CDH12: variants seen among roughly 807,000 people sequenced by gnomAD.
The protein encoded by CDH12 is cadherin-12.
Under a neutral mutation model 74.1 loss-of-function variants are expected in CDH12, and 41 were observed. That is an observed-to-expected ratio of 0.55 (90% CI 0.43 to 0.72). The LOEUF (loss-of-function observed/expected upper bound fraction) is 0.72. Ranked by LOEUF, CDH12 falls within the 30% of genes least tolerant of loss-of-function variation. The probability of loss-of-function intolerance (pLI) is 0.00; values close to 1 mark genes in which losing one functional copy is unlikely to be tolerated. For synonymous variants in CDH12, 399 were observed against 355.0 expected (o/e 1.12, Z -1.39); for missense variants, 945 against 977.2 (o/e 0.97, Z 0.44).
intron 7 of CDH12, among the ~76,000 whole-genome samples, chr5:21,852,006 C>T (rs749654132): frequency 4.6e-5 from 7 of 151,260 alleles, no homozygotes; most frequent in East Asian, 1.9e-4. Context: ...GTTTTTCATG[C>T]GTTTTATTTA....
chr5:22,055,128 C>T (rs533194103), intron 5 of CDH12, among the ~76,000 whole-genome samples: 37 of 152,176 alleles, frequency 2.4e-4, no homozygotes, highest in Non-Finnish European at 4.6e-4. Flanking sequence ...AGGAGCAGCT[C>T]TAGCCTTGGA....
At chr5:21,916,000 C>T (rs1161919330) in intron 6 of CDH12, among the ~76,000 whole-genome samples, 1 of 151,968 alleles carries the variant, frequency 6.6e-6, no homozygotes, top group Non-Finnish European at 1.5e-5. Context: ...TGTCATACTG[C>T]TTCATAATAA....
intron 3 of CDH12, among the ~76,000 whole-genome samples, chr5:22,330,957 C>T (rs1248073733): frequency 1.3e-5 from 2 of 151,910 alleles, no homozygotes; most frequent in African/African-American, 4.8e-5. Context: ...GGGCAGCATG[C>T]ACCACAAGCT....
At chr5:22,697,342 C>G (rs557352051) in intron 1 of CDH12, among the ~76,000 whole-genome samples, 2 of 151,976 alleles carry the variant, frequency 1.3e-5, no homozygotes, top group African/African-American at 4.8e-5. Context: ...GAGGCCGAGG[C>G]GGGTGGATCA....
intron 2 of CDH12, among the ~76,000 whole-genome samples, chr5:22,489,201 G>A (rs1746748396): frequency 6.6e-6 from 1 of 151,094 alleles, no homozygotes; most frequent in Non-Finnish European, 1.5e-5. Flanking sequence ...GGGACTACAG[G>A]TGCCCACCAC....
At chr5:21,760,493 C>A (rs2303748) in intron 13 of CDH12, 65 bp downstream of exon 13, 518,731 of 777,336 alleles carry the variant, frequency 0.67, 179,727 homozygotes, top group Non-Finnish European at 0.74. Flanking sequence ...AGTATTGATT[C>A]CTCCCTTTGT....
At chr5:22,376,369 A>C (rs1272261189) in intron 3 of CDH12, among the ~76,000 whole-genome samples, 1 of 152,188 alleles carries the variant, frequency 6.6e-6, no homozygotes, top group South Asian at 2.1e-4. Context: ...ATACAAAAAA[A>C]AAGCCCAATA....
At chr5:21,802,133 T>C (rs762679500) in intron 10 of CDH12, 34 bp downstream of exon 10, 3 of 1,584,370 alleles carry the variant, frequency 1.9e-6, no homozygotes, top group Admixed American at 1.8e-5. Context: ...TTTGTTTTCC[T>C]GAAACATAGA....
intron 2 of CDH12, among the ~76,000 whole-genome samples, chr5:22,425,045 C>T: frequency 7.3e-6 from 1 of 137,376 alleles, no homozygotes; most frequent in East Asian, 2.1e-4. Flanking sequence ...TGGATAGAGG[C>T]TAGAGAATTT....
At chr5:21,953,655 T>A (rs1755967029) in intron 6 of CDH12, among the ~76,000 whole-genome samples, 2 of 152,296 alleles carry the variant, frequency 1.3e-5, no homozygotes, top group Admixed American at 1.3e-4. Flanking sequence ...AAAGTAAAAG[T>A]ACAAAACATT....
At chr5:22,746,292 T>TC (rs1745291864) in intron 1 of CDH12, among the ~76,000 whole-genome samples, 1 of 151,858 alleles carries the variant, frequency 6.6e-6, no homozygotes, top group South Asian at 2.1e-4. Context: ...CAATTATCAA[T>TC]CCCCCAAATC....
At chr5:22,097,248 C>T (rs945380010) in intron 4 of CDH12, among the ~76,000 whole-genome samples, 5 of 152,178 alleles carry the variant, frequency 3.3e-5, no homozygotes, top group Non-Finnish European at 5.9e-5. Context: ...ACTCCCAGAG[C>T]CCCTGGAACT....
chr5:21,782,609 T>C (rs1252230351), intron 11 of CDH12, among the ~76,000 whole-genome samples: 1 of 152,142 alleles, frequency 6.6e-6, no homozygotes, highest in African/African-American at 2.4e-5. Context: ...TTCCAAACGT[T>C]TCAAGAGACC....
chr5:22,466,619 A>G (rs1025052324), intron 2 of CDH12, among the ~76,000 whole-genome samples: 1 of 152,046 alleles, frequency 6.6e-6, no homozygotes, highest in Non-Finnish European at 1.5e-5. Flanking sequence ...CAGAAAAAAG[A>G]GGAGGCTGCG....
chr5:22,049,810 TAA>T lies in CDH12; in HGVS notation c.231+28634_231+28635del, dbSNP rs370049634. ...CTTCTTTTGAGAGACTTCATATTTTTAAACTCTGATGTTTATGCCAAAGTCTT... is the reference window on the plus strand; with the variant it reads ...CTTCTTTTGAGAGACTTCATATTTTTACTCTGATGTTTATGCCAAAGTCTT... On this transcript the variant is annotated intron_variant, in intron 5 of 14. Transcript: ENST00000382254. Among the ~76,000 whole-genome samples the T allele has an allele frequency of 4.1e-3, 627 of 152,266 alleles. 8 individuals are homozygous for T. The highest frequency in any genetic ancestry group is 0.014 in the Middle Eastern group (4 of 294).
At chr5:22,844,655 A>G (rs1386517319) in intron 1 of CDH12, among the ~76,000 whole-genome samples, 4 of 152,220 alleles carry the variant, frequency 2.6e-5, no homozygotes, top group Non-Finnish European at 4.4e-5. Context: ...TCAAGTTCAA[A>G]GAAAAAGAAA....
At chr5:22,013,369 G>T (rs1357276756) in intron 5 of CDH12, among the ~76,000 whole-genome samples, 3 of 152,148 alleles carry the variant, frequency 2.0e-5, no homozygotes, top group Non-Finnish European at 4.4e-5. Context: ...ACCTCCACCA[G>T]GTCCCTCCCT....
chr5:21,796,934 T>G (rs1159982000), intron 10 of CDH12, among the ~76,000 whole-genome samples: 1 of 152,128 alleles, frequency 6.6e-6, no homozygotes, highest in Admixed American at 6.6e-5. Context: ...TCACTAGAAA[T>G]TGTTTCTGTG....
At chr5:22,080,289 T>C (rs996553887) in intron 4 of CDH12, among the ~76,000 whole-genome samples, 5 of 152,186 alleles carry the variant, frequency 3.3e-5, no homozygotes, top group African/African-American at 1.2e-4. Flanking sequence ...TAATGAGTTC[T>C]TTATAAATAT....
Sources: allele counts gnomAD v4.1 joint callset (sites outside exome capture counted in the v4.1 genomes callset), GRCh38; gene constraint gnomAD v4.1.1; transcripts MANE v1.5; gene names NCBI Gene and HGNC (gene_info 2026-07-23, HGNC 2026-07-21).